The following NLK variants were observed in gnomAD, a reference collection of about 807,000 sequenced individuals.
NLK encodes nemo like kinase.
In NLK, 11 loss-of-function variants were observed where a neutral mutation model predicts 59.0. That is an observed-to-expected ratio of 0.19 (90% CI 0.12 to 0.31). The LOEUF is 0.31. Among genes scored for constraint, NLK ranks in the 10% least tolerant of loss-of-function variants. The pLI, the probability that NLK is intolerant of heterozygous loss-of-function variation, is 1.00. For synonymous variants in NLK, 235 were observed against 235.9 expected (o/e 1.00, Z 0.03); for missense variants, 410 against 661.1 (o/e 0.62, Z 4.16).
intron 10 of NLK, among the ~76,000 whole-genome samples, chr17:28,192,656 G>A (rs1482651815): frequency 1.7e-4 from 25 of 150,784 alleles, no homozygotes; most frequent in Admixed American, 4.6e-4. Flanking sequence ...CAACAAGAGC[G>A]AAACTCCATC....
intron 5 of NLK, among the ~76,000 whole-genome samples, chr17:28,165,670 T>TA (rs1908194686): frequency 6.6e-6 from 1 of 152,168 alleles, no homozygotes; most frequent in Admixed American, 6.5e-5. Context: ...TTTTTTTAGT[T>TA]ATCTGATCAT....
At chr17:28,103,942 CT>C (rs988645502) in intron 1 of NLK, among the ~76,000 whole-genome samples, 3 of 152,244 alleles carry the variant, frequency 2.0e-5, no homozygotes. Context: ...TTCCAGAATT[CT>C]TTTTCAACTT....
At chr17:28,072,308 C>G (rs1317736576) in intron 1 of NLK, among the ~76,000 whole-genome samples, 2 of 148,944 alleles carry the variant, frequency 1.3e-5, no homozygotes, top group African/African-American at 4.9e-5. Context: ...GCTTACTGAT[C>G]TTCTTTCTTC....
At chr17:28,182,001 C>T (rs1251539909) in intron 7 of NLK, among the ~76,000 whole-genome samples, 4 of 152,096 alleles carry the variant, frequency 2.6e-5, no homozygotes, top group African/African-American at 9.7e-5. Flanking sequence ...CAGAGCAAGA[C>T]CCTGTCTCAA....
chr17:28,064,887 G>A (rs1597660495), intron 1 of NLK, among the ~76,000 whole-genome samples: 1 of 152,152 alleles, frequency 6.6e-6, no homozygotes, highest in African/African-American at 2.4e-5. Context: ...GTGATAATGT[G>A]TATAAAATGC....
intron 1 of NLK, chr17:28,116,402 C>T: frequency 5.3e-6 from 1 of 188,214 alleles, no homozygotes; most frequent in Non-Finnish European, 1.2e-5. Context: ...CTGCTGGTGA[C>T]CCATCTTGCT....
At chr17:28,081,421 T>C (rs62065055) in intron 1 of NLK, among the ~76,000 whole-genome samples, 1 of 152,166 alleles carries the variant, frequency 6.6e-6, no homozygotes, top group Non-Finnish European at 1.5e-5. Flanking sequence ...CACTTTTTAA[T>C]GAATAGGCGA....
At chr17:28,089,914 G>T (rs1904425692) in intron 1 of NLK, among the ~76,000 whole-genome samples, 1 of 151,970 alleles carries the variant, frequency 6.6e-6, no homozygotes, top group Non-Finnish European at 1.5e-5. Context: ...TGAGCTTTGA[G>T]GGTTTTCTAA....
chr17:28,177,075 G>T (rs1430440262), intron 7 of NLK, among the ~76,000 whole-genome samples: 1 of 152,172 alleles, frequency 6.6e-6, no homozygotes, highest in East Asian at 1.9e-4. Flanking sequence ...TAGACTGTTT[G>T]TAAGTGGATC....
chr17:28,170,473 T>C (rs1430441083), intron 6 of NLK, among the ~76,000 whole-genome samples: 2 of 152,220 alleles, frequency 1.3e-5, no homozygotes, highest in Admixed American at 1.3e-4. Context: ...AATTTTTCTA[T>C]GCTATACGTT....
At chr17:28,059,125 C>CA (rs1386010576) in intron 1 of NLK, among the ~76,000 whole-genome samples, 2,131 of 134,218 alleles carry the variant, frequency 0.016, 38 homozygotes, top group African/African-American at 0.05. Flanking sequence ...GATCCTGTCT[C>CA]AAAAAAAAAA....
In NLK at chr17:28,184,997, C is replaced by T. The variant is rs111516323; in HGVS notation, c.1150-182C>T. 2.8e-3 allele frequency among the ~76,000 whole-genome samples: 419 copies of T among 152,018 alleles called. 4 individuals are homozygous for T. Among genetic ancestry groups the T allele is most frequent in the African/African-American group, 9.3e-3 (385 of 41,500 alleles). The stretch of plus-strand genomic sequence containing the variant: ...AATAAATAAATAAATAAAAATGCTA[C>T]GGGAAGTTAGTAACAATTGTTGCTT... On this transcript the variant is annotated intron_variant, in intron 7 of 10. Transcript: ENST00000407008.
intron 3 of NLK, among the ~76,000 whole-genome samples, chr17:28,134,066 T>C (rs1906631722): frequency 6.6e-6 from 1 of 151,196 alleles, no homozygotes; most frequent in Non-Finnish European, 1.5e-5. Flanking sequence ...CATCCATGGA[T>C]GAAAAATATT....
chr17:28,128,234 TA>T (rs1455931618), intron 2 of NLK, among the ~76,000 whole-genome samples: 1 of 152,094 alleles, frequency 6.6e-6, no homozygotes, highest in Non-Finnish European at 1.5e-5. Context: ...AAAACACCCA[TA>T]AAAAATTGTT....
At chr17:28,045,087 A>C (rs1364173265) in intron 1 of NLK, among the ~76,000 whole-genome samples, 1 of 152,212 alleles carries the variant, frequency 6.6e-6, no homozygotes, top group Non-Finnish European at 1.5e-5. Context: ...GGGTACTATG[A>C]ATCTTTGATA....
chr17:28,185,318 C>G, intron 8 of NLK, 53 bp downstream of exon 8: 2 of 1,123,348 alleles, frequency 1.8e-6, no homozygotes, highest in Non-Finnish European at 1.3e-6. Flanking sequence ...TACATGTGTT[C>G]GAGAGAAACA....
chr17:28,111,958 G>C (rs2142805463), intron 1 of NLK, among the ~76,000 whole-genome samples: 1 of 142,306 alleles, frequency 7.0e-6, no homozygotes, highest in Middle Eastern at 3.7e-3. Flanking sequence ...TGTGTAGGGA[G>C]AGCATGTAGT....
At chr17:28,197,738 GTCTC>G (rs1228164585), downstream of NLK, among the ~76,000 whole-genome samples, 1 of 149,520 alleles carries the variant, frequency 6.7e-6, no homozygotes, top group Admixed American at 6.6e-5. Context: ...GTTTTTTTTT[GTCTC>G]TCTATGGTAT....
chr17:28,159,078 G>A (rs1254402268), intron 3 of NLK, among the ~76,000 whole-genome samples: 3 of 152,192 alleles, frequency 2.0e-5, no homozygotes, highest in Admixed American at 6.5e-5. Context: ...GGACGTGAAA[G>A]AGTTAACCAA....
Sources: gnomAD v4.1 joint callset for allele counts (sites outside exome capture counted in the v4.1 genomes callset) on GRCh38, gnomAD v4.1.1 for gene constraint, MANE v1.5 for transcripts, NCBI Gene and HGNC (gene_info 2026-07-23, HGNC 2026-07-21) for gene names.